KTN1: variants seen among roughly 807,000 people sequenced by gnomAD.
KTN1 encodes kinectin 1.
A neutral mutation model predicts 222.5 loss-of-function variants in KTN1; 130 were observed. The ratio of observed to expected loss-of-function variants is 0.58; its 90% CI spans 0.51 to 0.68. KTN1 has a LOEUF of 0.68. Among genes scored for constraint, KTN1 ranks in the 30% least tolerant of loss-of-function variants. The pLI is 0.00. For missense variants in KTN1, 1,508 were observed against 1,500.4 expected, an observed-to-expected ratio of 1.01 and a Z score of -0.08; for synonymous variants, 512 against 496.3, an observed-to-expected ratio of 1.03 and a Z score of -0.42.
At chr14:55,625,999 TCAG>T (rs2039769369) in intron 5 of KTN1, among the ~76,000 whole-genome samples, 1 of 152,206 alleles carries the variant, frequency 6.6e-6, no homozygotes, top group Non-Finnish European at 1.5e-5. Flanking sequence ...TCTTTGGCAT[TCAG>T]TAATTGTACT....
chr14:55,580,927 C>G (rs1313868742), intron 1 of KTN1, among the ~76,000 whole-genome samples: 1 of 152,212 alleles, frequency 6.6e-6, no homozygotes, highest in Non-Finnish European at 1.5e-5. Flanking sequence ...TCCCGCTGCC[C>G]TTTGCGAGTC....
At chr14:55,682,309 C>T (rs996025110) in intron 43 of KTN1, 16 of 152,056 alleles carry the variant, frequency 1.1e-4, no homozygotes, top group African/African-American at 2.7e-4. Context: ...TACCATCCTC[C>T]GCTTTCCATT....
intron 1 of KTN1, among the ~76,000 whole-genome samples, chr14:55,605,859 TC>T (rs1766022529): frequency 6.6e-6 from 1 of 152,192 alleles, no homozygotes; most frequent in Admixed American, 6.5e-5. Flanking sequence ...AGAATGGAAA[TC>T]TAATTAAATG....
At chr14:55,628,058 A>G (rs2040067537) in intron 6 of KTN1, 30 bp downstream of exon 6, 3 of 1,303,566 alleles carry the variant, frequency 2.3e-6, no homozygotes, top group Middle Eastern at 1.8e-4. Flanking sequence ...CGAGGGATAT[A>G]CTTCCCAAAT....
chr14:55,662,987 G>C (rs1313446514), intron 32 of KTN1: 1 of 456,016 alleles, frequency 2.2e-6, no homozygotes, highest in East Asian at 6.9e-5. Context: ...GAGGCCAGCA[G>C]ATAGCAGTGT....
chr14:55,627,935 G>A lies in KTN1; in HGVS notation c.987G>A (p.Thr329=), dbSNP rs2040050168. 10 of 1,611,576 alleles carry A rather than the reference G, an allele frequency of 6.2e-6. No individual in the cohort carries two copies. Among genetic ancestry groups the A allele is most frequent in the African/African-American group, 1.3e-5 (1 of 74,954 alleles). Residue 329 remains threonine (T), a synonymous_variant, in exon 6 of 44, where the codon ACG becomes ACA. Transcript: ENST00000395314. ...AGTCAAGTAAGGGAGAATTGACTACGCTTATACATCAGCTTCAAGAAAAGG... is the reference window on the plus strand; with the variant it reads ...AGTCAAGTAAGGGAGAATTGACTACACTTATACATCAGCTTCAAGAAAAGG... ...LKKSSKGELT[T]LIHQLQEKDK...
intron 34 of KTN1, chr14:55,668,881 A>G (rs1415198915): frequency 6.6e-6 from 1 of 151,980 alleles, no homozygotes; most frequent in Non-Finnish European, 1.5e-5. Context: ...AAGGAGAGAA[A>G]ACTCCTTTGT....
At chr14:55,604,680 A>ATGTC (rs2036480949) in intron 1 of KTN1, among the ~76,000 whole-genome samples, 1 of 152,190 alleles carries the variant, frequency 6.6e-6, no homozygotes, top group African/African-American at 2.4e-5. Context: ...TTTACTCAGA[A>ATGTC]TGTCCTAGAG....
chr14:55,623,740 G>A (rs2039455317), intron 5 of KTN1, among the ~76,000 whole-genome samples: 1 of 152,208 alleles, frequency 6.6e-6, no homozygotes, highest in African/African-American at 2.4e-5. Flanking sequence ...ACTTAAAAAA[G>A]TTGTTAGTTA....
At chr14:55,665,724 A>G (rs906928070) in intron 33 of KTN1, among the ~76,000 whole-genome samples, 2 of 152,050 alleles carry the variant, frequency 1.3e-5, no homozygotes, top group East Asian at 1.9e-4. Flanking sequence ...TCACTTAAAG[A>G]TGGTATGCAA....
intron 2 of KTN1, among the ~76,000 whole-genome samples, chr14:55,615,940 G>A (rs142761875): frequency 1.4e-5 from 2 of 147,644 alleles, no homozygotes; most frequent in East Asian, 4.0e-4. Flanking sequence ...TTTCGACAGG[G>A]TCTTGCTCTG....
In KTN1 at chr14:55,651,872, C is replaced by T. The variant is rs1255356296; in HGVS notation, c.2566-18C>T. On this transcript the variant is annotated intron_variant, in intron 24 of 43. Transcript: ENST00000395314. The stretch of plus-strand genomic sequence containing the variant: ...TTGAAAGGATTATTAATTGATTTTT[C>T]TGTCCTTTGTATTTCAGTTATCTAT... The T allele has an allele frequency of 1.9e-5, 29 of 1,514,058 alleles. No individual in the cohort carries two copies. Among genetic ancestry groups the T allele is most frequent in the Non-Finnish European group, 2.6e-5 (28 of 1,096,900 alleles). 93.8% of individuals were successfully genotyped at this position (1,514,058 alleles called of 1,614,324 possible).
intron 1 of KTN1, among the ~76,000 whole-genome samples, chr14:55,585,306 G>T (rs1340887848): frequency 6.6e-6 from 1 of 152,156 alleles, no homozygotes; most frequent in East Asian, 1.9e-4. Flanking sequence ...ATGTTAGAGT[G>T]TGGTGGAGAC....
Position 55,619,259 on chromosome 14 carries a change from G to A in KTN1, c.910G>A (p.Val304Ile), listed in dbSNP as rs746647652. The A allele has an allele frequency of 9.3e-6, 15 of 1,612,890 alleles. No homozygotes were observed. In the Admixed American group the frequency reaches 2.2e-4, roughly 23 times the overall value. ...MMFSEDEALC[V>I]VDLLKEKSGV... ...GTTTTCTGAAGATGAGGCTCTTTGT[G>A]TTGTAGACTTGCTAAAGGAGAAGTC... Residue 304 changes from valine (V) to isoleucine (I), a missense_variant, in exon 5 of 44, where the codon GTT (valine) becomes ATT (isoleucine). Physicochemically the swap from Val to Ile is conservative, Grantham distance 29. Transcript: ENST00000395314.
At chr14:55,588,064 T>A (rs567970903) in intron 1 of KTN1, among the ~76,000 whole-genome samples, 1 of 152,328 alleles carries the variant, frequency 6.6e-6, no homozygotes, top group East Asian at 1.9e-4. Flanking sequence ...CAGTCAGAAA[T>A]GTTTGTATAA....
intron 10 of KTN1, among the ~76,000 whole-genome samples, chr14:55,636,969 A>T (rs2041202248): frequency 6.6e-6 from 1 of 152,004 alleles, no homozygotes; most frequent in African/African-American, 2.4e-5. Context: ...TCTTAATTTG[A>T]TGGATCCATC....
intron 42 of KTN1, chr14:55,678,830 C>G (rs1207403899): frequency 5.7e-6 from 1 of 175,040 alleles, no homozygotes; most frequent in Non-Finnish European, 1.2e-5. Flanking sequence ...ACTGCATGCT[C>G]CTTATGAGAA....
In KTN1 at chr14:55,636,466, T is replaced by C. The variant is rs776342385; in HGVS notation, c.1479T>C (p.Ala493=). 291 of 1,610,130 alleles carry C rather than the reference T, an allele frequency of 1.8e-4. 2 individuals carry two copies. The highest frequency in any genetic ancestry group is 1.6e-4 in the Middle Eastern group (1 of 6,074). The change falls in exon 10 of 44, where the codon GCT becomes GCC. Residue 493 remains alanine (A), a synonymous_variant. Transcript: ENST00000395314. The stretch of plus-strand genomic sequence containing the variant: ...ATACCAAGGTTCAACTACAAGAAGC[T>C]GAGAGAAGGTGGGAAGAAGTTCAGA... ...ATQLKVQLQE[A]ERRWEEVQSY...
chr14:55,625,559 A>G (rs921006355), intron 5 of KTN1, among the ~76,000 whole-genome samples: 1 of 152,014 alleles, frequency 6.6e-6, no homozygotes, highest in African/African-American at 2.4e-5. Flanking sequence ...TTCATGTTTT[A>G]GTTTTAATTT....
Sources: allele counts gnomAD v4.1 joint callset (sites outside exome capture counted in the v4.1 genomes callset), GRCh38; gene constraint gnomAD v4.1.1; transcripts MANE v1.5; gene names NCBI Gene and HGNC (gene_info 2026-07-23, HGNC 2026-07-21).